Variants in DNAH6 observed in about 807,000 individuals in gnomAD.
DNAH6 encodes dynein axonemal heavy chain 6.
Under a neutral mutation model 491.4 loss-of-function variants are expected in DNAH6, and 340 were observed. The observed-to-expected ratio is 0.69, with a 90% confidence interval of 0.63 to 0.76. DNAH6 has a LOEUF of 0.76. Ranked by LOEUF, DNAH6 falls within the 30% of genes least tolerant of loss-of-function variation. DNAH6 has a pLI of 0.00. For synonymous variants in DNAH6, 1,603 were observed against 1,686.1 expected (o/e 0.95, Z 1.21); for missense variants, 4,443 against 4,972.2 (o/e 0.89, Z 3.20).
At chr2:84,502,147 G>A in the DNAH6 span, among the ~76,000 whole-genome samples, 1 of 151,954 alleles carries the variant, frequency 6.6e-6, no homozygotes, top group Non-Finnish European at 1.5e-5. Flanking sequence ...CTTTTTTCAT[G>A]TAGGCACTTA....
chr2:84,628,154 G>A (rs1192516286), intron 29 of DNAH6, among the ~76,000 whole-genome samples: 2 of 152,166 alleles, frequency 1.3e-5, no homozygotes, highest in South Asian at 2.1e-4. Context: ...GAAGAAGGGG[G>A]TATAGTCTGA....
chr2:84,707,838 T>G (rs1356386850), intron 54 of DNAH6, 122 bp downstream of exon 54: 2 of 715,676 alleles, frequency 2.8e-6, no homozygotes, highest in East Asian at 2.7e-5. Context: ...TGGTGGAATT[T>G]CTTTATATAT....
chr2:84,706,016 T>C (rs935665457), intron 52 of DNAH6, among the ~76,000 whole-genome samples: 16 of 152,376 alleles, frequency 1.1e-4, no homozygotes, highest in Middle Eastern at 6.8e-3. Flanking sequence ...AGGTACTTTT[T>C]AGCTCAACCA....
chr2:84,703,312 A>G, intron 49 of DNAH6, 83 bp from the exon 50 acceptor site: 2 of 999,274 alleles, frequency 2.0e-6, no homozygotes, highest in East Asian at 2.7e-5. Flanking sequence ...GTAAAAGTCT[A>G]ATACATGAGT....
intron 12 of DNAH6, 84 bp downstream of exon 12, chr2:84,573,671 T>C: frequency 8.0e-7 from 1 of 1,242,776 alleles, no homozygotes; most frequent in Admixed American, 2.9e-5. Flanking sequence ...TGGTGGTGTC[T>C]GGGGACACAA....
At chr2:84,528,428 C>T (rs1192264632) in intron 3 of DNAH6, among the ~76,000 whole-genome samples, 1 of 152,106 alleles carries the variant, frequency 6.6e-6, no homozygotes, top group African/African-American at 2.4e-5. Flanking sequence ...TCAATATAAC[C>T]GCCCCTCATA....
At chr2:84,501,096 C>A in the DNAH6 span, among the ~76,000 whole-genome samples, 2 of 152,182 alleles carry the variant, frequency 1.3e-5, no homozygotes, top group Non-Finnish European at 2.9e-5. Context: ...GCATCCTTGT[C>A]ATGTTCCAGA....
chr2:84,777,796 A>C, intron 64 of DNAH6: 1 of 1,082,734 alleles, frequency 9.2e-7, no homozygotes, highest in Non-Finnish European at 1.4e-6. Context: ...TGGGGAAGCC[A>C]CTTATCTTCC....
the DNAH6 span, among the ~76,000 whole-genome samples, chr2:84,493,368 C>CAT: frequency 6.6e-6 from 1 of 152,138 alleles, no homozygotes; most frequent in African/African-American, 2.4e-5. Flanking sequence ...CATGTCAATA[C>CAT]ATATAACTCT....
At chr2:84,701,955 A>G (rs1317923552) in intron 49 of DNAH6, among the ~76,000 whole-genome samples, 2 of 152,136 alleles carry the variant, frequency 1.3e-5, no homozygotes, top group African/African-American at 4.8e-5. Context: ...TTCAATAATT[A>G]TATATATTTT....
At chr2:84,530,690 G>A (rs948824614) in intron 4 of DNAH6, among the ~76,000 whole-genome samples, 2 of 152,188 alleles carry the variant, frequency 1.3e-5, no homozygotes, top group African/African-American at 4.8e-5. Context: ...TTACTCAGGG[G>A]AGAAAGGGAC....
intron 11 of DNAH6, among the ~76,000 whole-genome samples, chr2:84,570,774 T>G (rs1681730177): frequency 6.6e-6 from 1 of 152,136 alleles, no homozygotes; most frequent in Non-Finnish European, 1.5e-5. Flanking sequence ...TGCAACCCAC[T>G]CGGGTCCCCT....
the DNAH6 span, among the ~76,000 whole-genome samples, chr2:84,479,305 C>T: frequency 5.3e-5 from 8 of 152,174 alleles, no homozygotes; most frequent in South Asian, 4.1e-4. Flanking sequence ...GGGCCCTTGC[C>T]GGGAACCTTT....
At position 84,815,977 on chromosome 2, in the gene DNAH6, G is replaced by T; in HGVS notation, c.12267G>T (p.Leu4089=). ...DALPGQMNPV[L]PVVHFEPQQN... ...TGCCCGGACAGATGAATCCAGTGCTGCCTGTGGTGCATTTTGAACCACAAC... is the reference window on the plus strand; with the variant it reads ...TGCCCGGACAGATGAATCCAGTGCTTCCTGTGGTGCATTTTGAACCACAAC... The change falls in exon 76 of 77, where the codon CTG becomes CTT. Residue 4089 remains leucine, a synonymous_variant. Transcript: ENST00000389394. 6.4e-7 allele frequency: 1 copy of T among 1,551,902 alleles called. No homozygotes were observed. The highest frequency in any genetic ancestry group is 1.2e-5 in the South Asian group (1 of 84,056).
Position 84,704,081 on chromosome 2 carries a change from G to T in DNAH6, c.8244G>T (p.Val2748=), listed in dbSNP as rs367557876. Residue 2748 remains valine, a synonymous_variant, in exon 51 of 77, where the codon GTG becomes GTT. Coordinates refer to ENST00000389394, the MANE Select transcript of DNAH6 (RefSeq NM_001370.2). The part of the protein sequence containing the change: ...QESADQVRNT[V]QEDEATAKVK... ...TCAATGGTTAGGTCCGTAACACTGT[G>T]CAGGAGGATGAAGCAACAGCAAAAG... The T allele has an allele frequency of 1.5e-4, 238 of 1,551,554 alleles. No individual in the cohort carries two copies. The highest frequency in any genetic ancestry group is 1.8e-4 in the Non-Finnish European group (208 of 1,146,964).
At chr2:84,606,745 A>T (rs1447507731) in intron 20 of DNAH6, among the ~76,000 whole-genome samples, 1 of 152,146 alleles carries the variant, frequency 6.6e-6, no homozygotes, top group Non-Finnish European at 1.5e-5. Flanking sequence ...TAATTACAGG[A>T]TCAGCAGAAA....
intron 4 of DNAH6, among the ~76,000 whole-genome samples, chr2:84,542,240 C>T (rs1022673546): frequency 6.6e-6 from 1 of 152,096 alleles, no homozygotes; most frequent in Non-Finnish European, 1.5e-5. Flanking sequence ...TTTTAGGTTG[C>T]TTTGATGCCT....
chr2:84,600,097 T>C (rs1377775766), intron 18 of DNAH6, among the ~76,000 whole-genome samples: 3 of 152,178 alleles, frequency 2.0e-5, no homozygotes, highest in African/African-American at 7.2e-5. Flanking sequence ...TCAGGTCATC[T>C]ATACCCTTGC....
intron 10 of DNAH6, among the ~76,000 whole-genome samples, chr2:84,553,361 TTTC>T (rs775141286): frequency 3.5e-3 from 32 of 9,106 alleles, no homozygotes; most frequent in Non-Finnish European, 5.6e-3. Context: ...TTTCTTTTCT[TTTC>T]TTTTCTTTCT....
Sources: gnomAD v4.1 joint callset for allele counts (sites outside exome capture counted in the v4.1 genomes callset) on GRCh38, gnomAD v4.1.1 for gene constraint, MANE v1.5 for transcripts, NCBI Gene and HGNC (gene_info 2026-07-23, HGNC 2026-07-21) for gene names.